Variants in THRB observed in about 807,000 individuals in gnomAD.
THRB encodes thyroid hormone receptor beta.
Under a neutral mutation model 47.8 loss-of-function variants are expected in THRB, and 12 were observed. The observed-to-expected ratio is 0.25, with a 90% confidence interval of 0.16 to 0.41. THRB has a LOEUF of 0.41. THRB is among the 10% of genes least tolerant of loss of function. The pLI is 1.00. For synonymous variants in THRB, 218 were observed against 212.2 expected (o/e 1.03, Z -0.24); for missense variants, 348 against 589.2 (o/e 0.59, Z 4.24).
chr3:24,241,500 C>A (rs760234341), intron 3 of THRB, among the ~76,000 whole-genome samples: 4 of 152,150 alleles, frequency 2.6e-5, no homozygotes, highest in Non-Finnish European at 5.9e-5. Context: ...TTCCTCAGGC[C>A]TACAGAGAAA....
rs577735664 is a variant in THRB, at chr3:24,146,529, G to A, written c.532+146C>T. ...CCTTTCAGGGCAAGCCTGGATGTGG[G>A]GAGTGAGGGGTGTATGCGAAAGTAA... On this transcript the variant is annotated intron_variant, in intron 7 of 10. Coordinates refer to ENST00000646209, the MANE Select transcript of THRB (RefSeq NM_001354712.2). 25 of 838,246 alleles carry A rather than the reference G, an allele frequency of 3.0e-5. 1 individual carries two copies. The South Asian group carries it at 3.8e-4, about 13-fold the overall frequency. The allele number at this position is 838,246 out of a possible 1,614,324, so 51.9% of individuals were successfully genotyped here.
At chr3:24,334,719 G>A (rs2062131819) in intron 2 of THRB, among the ~76,000 whole-genome samples, 1 of 152,146 alleles carries the variant, frequency 6.6e-6, no homozygotes, top group Non-Finnish European at 1.5e-5. Flanking sequence ...AGGGGCTCAG[G>A]AGGGACATTT....
chr3:24,332,853 G>A (rs2066082701), intron 2 of THRB, among the ~76,000 whole-genome samples: 1 of 152,172 alleles, frequency 6.6e-6, no homozygotes, highest in South Asian at 2.1e-4. Context: ...TCAGGAGATC[G>A]AGACCATCCT....
chr3:24,302,599 T>A (rs1422591244), intron 2 of THRB, among the ~76,000 whole-genome samples: 1 of 152,204 alleles, frequency 6.6e-6, no homozygotes, highest in African/African-American at 2.4e-5. Flanking sequence ...ACCTCAAGTT[T>A]CTGCTCAAAT....
intron 1 of THRB, among the ~76,000 whole-genome samples, chr3:24,343,493 T>C (rs916131657): frequency 1.3e-5 from 2 of 152,202 alleles, no homozygotes; most frequent in Non-Finnish European, 2.9e-5. Flanking sequence ...AAGGCTTAAC[T>C]ATGGGCAACA....
chr3:24,381,302 T>C (rs946655004), intron 1 of THRB, among the ~76,000 whole-genome samples: 1 of 152,080 alleles, frequency 6.6e-6, no homozygotes, highest in African/African-American at 2.4e-5. Context: ...CAACACTAAC[T>C]TCTAGCTCCA....
At chr3:24,433,024 T>C (rs1289526021) in intron 1 of THRB, among the ~76,000 whole-genome samples, 4 of 152,140 alleles carry the variant, frequency 2.6e-5, no homozygotes, top group Non-Finnish European at 1.5e-5. Flanking sequence ...AATTCAGTTA[T>C]ATCATTTATT....
intron 1 of THRB, among the ~76,000 whole-genome samples, chr3:24,411,730 G>C (rs1203767694): frequency 6.6e-6 from 1 of 151,690 alleles, no homozygotes; most frequent in African/African-American, 2.4e-5. Flanking sequence ...GGTGGGGATG[G>C]GGATGGAGAA....
chr3:24,303,340 A>G lies in THRB; in HGVS notation c.-188-5969T>C, dbSNP rs377444635. ...GGTGGTCAGCAAACATGATGCCTGA[A>G]AAGTGCTTCTCACACTAGACTTGCT... On this transcript the variant is annotated intron_variant, in intron 2 of 10. Transcript: ENST00000646209. Among the ~76,000 whole-genome samples, 31 of 152,296 alleles carry G rather than the reference A, an allele frequency of 2.0e-4. 1 individual carries two copies. The South Asian group carries it at 6.0e-3, about 30-fold the overall frequency.
intron 1 of THRB, among the ~76,000 whole-genome samples, chr3:24,403,771 A>C (rs983166068): frequency 6.6e-6 from 1 of 152,014 alleles, no homozygotes; most frequent in African/African-American, 2.4e-5. Flanking sequence ...TACATATGGC[A>C]CTGCTGTTGC....
chr3:24,410,837 T>C (rs909651750), intron 1 of THRB, among the ~76,000 whole-genome samples: 1 of 151,884 alleles, frequency 6.6e-6, no homozygotes, highest in Admixed American at 6.6e-5. Context: ...AACAAAAAAG[T>C]CTTTGCCTGA....
chr3:24,451,671 T>A (rs534395748), intron 1 of THRB, among the ~76,000 whole-genome samples: 2 of 152,316 alleles, frequency 1.3e-5, no homozygotes, highest in South Asian at 4.1e-4. Context: ...ATAAAGCAAA[T>A]AGCTCCCCAC....
At chr3:24,299,766 C>CTTTGTTTT in intron 2 of THRB, among the ~76,000 whole-genome samples, 1 of 58,580 alleles carries the variant, frequency 1.7e-5, no homozygotes, top group Non-Finnish European at 3.0e-5. Flanking sequence ...GGGAAGTATG[C>CTTTGTTTT]TTTTTTATTT....
At position 24,122,310 on chromosome 3, in the gene THRB, C is replaced by G. The variant is rs1266495433; in HGVS notation, c.*574G>C. On this transcript the variant is annotated 3_prime_UTR_variant, in exon 11 of 11. Coordinates refer to ENST00000646209, the MANE Select transcript of THRB (RefSeq NM_001354712.2). ...TATAAAAATGATATTGGAAGGGCAG[C>G]TGATTTTTTTAGGACACAAATATTC... 1 of 158,230 alleles carries G rather than the reference C, an allele frequency of 6.3e-6. No homozygotes were observed. The highest frequency in any genetic ancestry group is 1.9e-4 in the South Asian group (1 of 5,260). 9.8% of individuals were successfully genotyped at this position (158,230 alleles called of 1,614,324 possible).
intron 3 of THRB, among the ~76,000 whole-genome samples, chr3:24,274,977 T>C (rs2053755625): frequency 6.6e-6 from 1 of 152,204 alleles, no homozygotes; most frequent in Non-Finnish European, 1.5e-5. Flanking sequence ...ATTTGTGCAT[T>C]CATCTATTTT....
intron 1 of THRB, among the ~76,000 whole-genome samples, chr3:24,402,674 C>T (rs1465597857): frequency 6.6e-6 from 1 of 151,912 alleles, no homozygotes; most frequent in East Asian, 1.9e-4. Flanking sequence ...AAAGATACTA[C>T]CATTTATTTA....
chr3:24,336,414 G>A (rs556227815), intron 2 of THRB, among the ~76,000 whole-genome samples: 3 of 152,216 alleles, frequency 2.0e-5, no homozygotes, highest in East Asian at 1.9e-4. Context: ...GACCAAGCCT[G>A]AATGTCACCT....
chr3:24,214,364 T>C (rs1457198465), intron 4 of THRB, among the ~76,000 whole-genome samples: 5 of 151,992 alleles, frequency 3.3e-5, no homozygotes, highest in Non-Finnish European at 7.4e-5. Flanking sequence ...GGTAAAAAGA[T>C]AAAAGAGAAG....
At chr3:24,470,942 C>G (rs938618864) in intron 1 of THRB, among the ~76,000 whole-genome samples, 1 of 152,198 alleles carries the variant, frequency 6.6e-6, no homozygotes, top group Non-Finnish European at 1.5e-5. Flanking sequence ...GACACTTCAA[C>G]ATGTCAATCT....
Sources: gnomAD v4.1 joint callset for allele counts (sites outside exome capture counted in the v4.1 genomes callset) on GRCh38, gnomAD v4.1.1 for gene constraint, MANE v1.5 for transcripts, NCBI Gene and HGNC (gene_info 2026-07-23, HGNC 2026-07-21) for gene names.